INPP5D: variants seen among roughly 807,000 people sequenced by gnomAD.
INPP5D encodes the protein phosphatidylinositol 3,4,5-trisphosphate 5-phosphatase 1.
In INPP5D, 33 loss-of-function variants were observed where a neutral mutation model predicts 122.9. That is an observed-to-expected ratio of 0.27 (90% CI 0.20 to 0.36). INPP5D has a LOEUF of 0.36. INPP5D is among the 10% of genes least tolerant of loss of function. INPP5D has a pLI of 1.00. For missense variants in INPP5D, 1,053 were observed against 1,412.7 expected (o/e 0.75, Z 4.08); for synonymous variants, 584 against 576.2 (o/e 1.01, Z -0.19).
intron 2 of INPP5D, among the ~76,000 whole-genome samples, chr2:233,111,015 G>A (rs541909879): frequency 1.3e-5 from 2 of 152,042 alleles, no homozygotes; most frequent in East Asian, 3.9e-4. Flanking sequence ...TTCAAGAACG[G>A]TACAAAGAAT....
At chr2:233,094,223 A>T (rs1203873971) in intron 2 of INPP5D, among the ~76,000 whole-genome samples, 1 of 152,008 alleles carries the variant, frequency 6.6e-6, no homozygotes, top group African/African-American at 2.4e-5. Context: ...GATGTTTAAA[A>T]ACTCCCAGGC....
At chr2:233,199,295 G>A (rs1203129568) in intron 25 of INPP5D, among the ~76,000 whole-genome samples, 1 of 138,244 alleles carries the variant, frequency 7.2e-6, no homozygotes, top group Non-Finnish European at 1.6e-5. Context: ...GCTGAGGCAG[G>A]AGAATCGCTT....
At chr2:233,067,617 T>A (rs1192220818) in intron 1 of INPP5D, among the ~76,000 whole-genome samples, 1 of 152,210 alleles carries the variant, frequency 6.6e-6, no homozygotes, top group Non-Finnish European at 1.5e-5. Flanking sequence ...CTAAACTGTT[T>A]TCCTTGGTGG....
At chr2:233,193,724 C>G in intron 22 of INPP5D, 88 bp from the exon 23 acceptor site, 7 of 1,604,872 alleles carry the variant, frequency 4.4e-6, no homozygotes, top group Non-Finnish European at 5.9e-6. Flanking sequence ...GCTATAGTTT[C>G]AAAGGACCAA....
intron 9 of INPP5D, among the ~76,000 whole-genome samples, chr2:233,148,889 A>G (rs187606695): frequency 1.2e-3 from 189 of 152,286 alleles, no homozygotes; most frequent in African/African-American, 4.1e-3. Flanking sequence ...GTTCATTTAG[A>G]GGGCATGGTT....
chr2:233,120,896 A>T (rs1347702204), intron 2 of INPP5D, among the ~76,000 whole-genome samples: 1 of 152,268 alleles, frequency 6.6e-6, no homozygotes, highest in Non-Finnish European at 1.5e-5. Context: ...TGACAAAAAC[A>T]ACTATAACAA....
chr2:233,201,355 C>G (rs1695335490), intron 25 of INPP5D, among the ~76,000 whole-genome samples: 1 of 152,248 alleles, frequency 6.6e-6, no homozygotes, highest in Non-Finnish European at 1.5e-5. Context: ...TGGTGCATAA[C>G]AACGAGCACA....
intron 2 of INPP5D, among the ~76,000 whole-genome samples, chr2:233,099,846 T>C (rs1692252938): frequency 6.6e-6 from 1 of 152,128 alleles, no homozygotes; most frequent in Admixed American, 6.5e-5. Flanking sequence ...ACTGGGCAAC[T>C]TACAAAAGAA....
At chr2:233,205,500 T>G (rs2106331680) in intron 26 of INPP5D, 1 of 151,654 alleles carries the variant, frequency 6.6e-6, no homozygotes, top group South Asian at 2.1e-4. Context: ...TGGCTGGGAT[T>G]ACAGGCACCT....
chr2:233,116,871 A>G (rs1472068096), intron 2 of INPP5D, among the ~76,000 whole-genome samples: 1 of 152,242 alleles, frequency 6.6e-6, no homozygotes, highest in African/African-American at 2.4e-5. Flanking sequence ...CTGGGATTAC[A>G]GGCGTGAGCC....
chr2:233,169,422 C>T (rs189920601), intron 14 of INPP5D, 21 bp downstream of exon 14: 3 of 1,569,900 alleles, frequency 1.9e-6, no homozygotes, highest in South Asian at 1.2e-5. Context: ...TCCTTCCCCC[C>T]AAGAGTGTGC....
intron 9 of INPP5D, among the ~76,000 whole-genome samples, chr2:233,157,045 A>G (rs1233800465): frequency 6.6e-6 from 1 of 152,232 alleles, no homozygotes; most frequent in Non-Finnish European, 1.5e-5. Context: ...AAGGTTCCAG[A>G]GTCCGGAGGA....
chr2:233,206,706 T>C lies in INPP5D; in HGVS notation c.3568T>C (p.Ter1190ArgextTer4), dbSNP rs776484281. The C allele has an allele frequency of 1.2e-5, 9 of 773,084 alleles. No individual in the cohort carries two copies. In the South Asian group the frequency reaches 1.2e-4, roughly 11 times the overall value. 47.9% of individuals were successfully genotyped at this position (773,084 alleles called of 1,614,324 possible). ...PGPLGRTAMQ* is the reference protein window; with the variant it reads ...PGPLGRTAMQR ...CAGCCCTTCTGTTCTTGTCCCACAG[T>C]GAAGCCCTCAGTGAGCTGCCACTGA... is the stretch of plus-strand genomic sequence containing the variant. The change falls in exon 27 of 27, where the codon TGA becomes CGA. Residue 1190 changes from the stop codon to arginine (R), a stop_lost and splice_region_variant. Coordinates refer to ENST00000445964, the MANE Select transcript of INPP5D (RefSeq NM_001017915.3). This position sits in a 1 kb window ranked among gnomAD's most constrained non-coding sequence, Gnocchi z 4.0.
rs1255036852 is a variant in INPP5D, at chr2:233,158,416, C to T, written c.1134C>T (p.Ser378=). The change falls in exon 10 of 27, where the codon TCC becomes TCT. Residue 378 remains serine (S), a synonymous_variant. Transcript: ENST00000445964. The part of the protein sequence containing the change: ...ILRKEYVFAD[S]KKREGFCQLL... The stretch of plus-strand genomic sequence containing the variant: ...GGAAGGAATATGTTTTTGCTGACTC[C>T]AAAGTAAGTGACAGCAAACTTCTAA... 5 of 701,766 alleles carry T rather than the reference C, an allele frequency of 7.1e-6. No individual in the cohort carries two copies. In the East Asian group the frequency reaches 1.3e-4, roughly 19 times the overall value. The allele number at this position is 701,766 out of a possible 1,614,324, so 43.5% of individuals were successfully genotyped here.
intron 2 of INPP5D, among the ~76,000 whole-genome samples, chr2:233,119,197 G>A (rs1292356436): frequency 1.3e-5 from 2 of 152,242 alleles, no homozygotes; most frequent in East Asian, 1.9e-4. Flanking sequence ...ACTCAAACAC[G>A]CGTTCTTCAG....
intron 22 of INPP5D, among the ~76,000 whole-genome samples, chr2:233,193,510 A>G (rs1695104350): frequency 6.6e-6 from 1 of 152,062 alleles, no homozygotes. Flanking sequence ...TTGTTCTGTC[A>G]TGTCTTATGC....
intron 1 of INPP5D, among the ~76,000 whole-genome samples, chr2:233,069,833 G>T (rs1423211437): frequency 6.6e-6 from 1 of 152,124 alleles, no homozygotes; most frequent in African/African-American, 2.4e-5. Context: ...AACATGTCTG[G>T]TTATAGATTC....
At chr2:233,096,665 CTG>C (rs1692153208) in intron 2 of INPP5D, among the ~76,000 whole-genome samples, 1 of 152,142 alleles carries the variant, frequency 6.6e-6, no homozygotes, top group Non-Finnish European at 1.5e-5. Context: ...AGAAATGACA[CTG>C]AGCCTATTTT....
At chr2:233,144,310 G>A (rs977514262) in intron 6 of INPP5D, among the ~76,000 whole-genome samples, 5 of 150,170 alleles carry the variant, frequency 3.3e-5, no homozygotes, top group African/African-American at 4.9e-5. Context: ...TGATAGTGGA[G>A]GTCGTCATGA....
Sources: gnomAD v4.1 joint callset for allele counts (sites outside exome capture counted in the v4.1 genomes callset) on GRCh38, gnomAD v4.1.1 for gene constraint, Gnocchi (gnomAD v3.1) non-coding constraint, MANE v1.5 for transcripts, NCBI Gene and HGNC (gene_info 2026-07-23, HGNC 2026-07-21) for gene names.